The following AGAP3 variants were observed in gnomAD, a reference collection of about 807,000 sequenced individuals.
AGAP3 encodes ArfGAP with GTPase domain, ankyrin repeat and PH domain 3.
Under a neutral mutation model 96.9 loss-of-function variants are expected in AGAP3, and 24 were observed. That is an observed-to-expected ratio of 0.25 (90% CI 0.18 to 0.35). The LOEUF is 0.35. Among genes scored for constraint, AGAP3 ranks in the 10% least tolerant of loss-of-function variants. The pLI is 1.00. For missense variants in AGAP3, 876 were observed against 1,254.2 expected (o/e 0.70, Z 4.55); for synonymous variants, 563 against 536.1 (o/e 1.05, Z -0.69).
chr7:151,138,081 G>C (rs1222058415), intron 11 of AGAP3, 62 bp from the exon 12 acceptor site: 1 of 1,256,566 alleles, frequency 8.0e-7, no homozygotes, highest in Admixed American at 2.1e-5. Flanking sequence ...TTTTAGGATA[G>C]TATCTTTGAG....
At chr7:151,121,351 C>T (rs763676491) in intron 8 of AGAP3, among the ~76,000 whole-genome samples, 50 of 151,848 alleles carry the variant, frequency 3.3e-4, no homozygotes, top group Non-Finnish European at 6.0e-4. Context: ...TGGGGGGGGC[C>T]GCCTGCTCGA....
At position 151,142,373 on chromosome 7, in the gene AGAP3, T is replaced by C; in HGVS notation, c.2051-39T>C. ...CTAGTTGTCCCGCGCTCTGGTGGCC[T>C]GCCTGCTGTCGCTGTATCATTCTCC... On this transcript the variant is annotated intron_variant, in intron 15 of 17. Transcript: ENST00000397238. The surrounding 1 kb of genome is among the most constrained non-coding windows in gnomAD (Gnocchi z 7.5). 1 of 1,603,244 alleles carries C rather than the reference T, an allele frequency of 6.2e-7. No homozygotes were observed. Among genetic ancestry groups the C allele is most frequent in the South Asian group, 1.1e-5 (1 of 90,820 alleles).
Position 151,140,047 on chromosome 7 carries a change from C to T in AGAP3, c.1735C>T (p.Arg579Trp), listed in dbSNP as rs760191238. 9.7e-5 allele frequency: 156 copies of T among 1,607,144 alleles called. 3 individuals carry two copies. In the South Asian group the frequency reaches 1.6e-3, roughly 16 times the overall value. ...TCCTCCCCCATCTCCCCACTCCAAC[C>T]GGAAGAAGCACCGGAGGAAAAAGAG... is the stretch of plus-strand genomic sequence containing the variant. Reference protein sequence around the residue: ...LDPPPSPHSNRKKHRRKKSTG... With the variant: ...LDPPPSPHSNWKKHRRKKSTG... The change falls in exon 13 of 18, where the codon CGG becomes TGG. Residue 579 changes from arginine (R) to tryptophan (W), a missense_variant. By Grantham distance (101) the Arg-to-Trp change is moderately radical. Around this residue, in one of 8 missense-constraint regions of AGAP3, gnomAD observed 155 missense variants for 144.4 expected, o/e 1.07. Transcript: ENST00000397238. The surrounding 1 kb of genome is among the most constrained non-coding windows in gnomAD (Gnocchi z 5.4).
chr7:151,118,562 A>C lies in AGAP3; in HGVS notation c.899A>C (p.Lys300Thr). The C allele has an allele frequency of 6.2e-7, 1 of 1,614,140 alleles. No homozygotes were observed. The highest frequency in any genetic ancestry group is 8.5e-7 in the Non-Finnish European group (1 of 1,180,030). Residue 300 changes from lysine to threonine, a missense_variant, in exon 7 of 18, where the codon AAG becomes ACG. Around this residue, in one of 8 missense-constraint regions of AGAP3, gnomAD observed 100 missense variants for 129.4 expected, o/e 0.77. Coordinates refer to ENST00000397238, the MANE Select transcript of AGAP3 (RefSeq NM_031946.7). The surrounding 1 kb of genome is among the most constrained non-coding windows in gnomAD (Gnocchi z 6.1). ...CAGCAACTGGCCATCGGGCCCTGCAAGTCACTGCCCAACTCGCCCAGCCAC... is the reference window on the plus strand; with the variant it reads ...CAGCAACTGGCCATCGGGCCCTGCACGTCACTGCCCAACTCGCCCAGCCAC... ...KKQQLAIGPC[K>T]SLPNSPSHSA...
intron 11 of AGAP3, chr7:151,137,907 C>T: frequency 1.9e-6 from 1 of 538,780 alleles, no homozygotes; most frequent in Non-Finnish European, 3.3e-6. Context: ...CGCTCCCGGA[C>T]CACAGTGAGG....
intron 9 of AGAP3, among the ~76,000 whole-genome samples, chr7:151,126,155 C>A (rs1800158373): frequency 1.3e-5 from 2 of 151,916 alleles, no homozygotes; most frequent in African/African-American, 4.8e-5. Context: ...CTGGGGAGGG[C>A]GTTGCCGAGG....
chr7:151,124,039 C>A (rs1017241829), intron 9 of AGAP3, among the ~76,000 whole-genome samples, 153 bp downstream of exon 9: 2 of 152,230 alleles, frequency 1.3e-5, no homozygotes, highest in African/African-American at 4.8e-5. Flanking sequence ...AAGGGACTGG[C>A]TCTCCAGTGA....
Position 151,141,931 on chromosome 7 carries a change from C to T in AGAP3, c.1838C>T (p.Ser613Phe). The T allele has an allele frequency of 6.4e-7, 1 of 1,568,094 alleles. No individual in the cohort carries two copies. The highest frequency in any genetic ancestry group is 8.7e-7 in the Non-Finnish European group (1 of 1,148,478). ...AEESFEFVVV[S>F]LTGQTWHFEA... ...GAGTCGTTTGAATTTGTGGTGGTGT[C>T]CCTCACTGGGCAGACGTGGCACTTC... Residue 613 changes from serine (S) to phenylalanine (F), a missense_variant, in exon 14 of 18, where the codon TCC (serine) becomes TTC (phenylalanine). Transcript: ENST00000397238. This position sits in a 1 kb window ranked among gnomAD's most constrained non-coding sequence, Gnocchi z 4.2.
intron 8 of AGAP3, chr7:151,122,625 G>A (rs985635257): frequency 4.2e-6 from 6 of 1,419,098 alleles, no homozygotes; most frequent in East Asian, 2.4e-5. Context: ...CGCTGCCGCC[G>A]CTCCCCAGGC....
At position 151,141,134 on chromosome 7, in the gene AGAP3, C is replaced by T. The variant is rs1800796833; in HGVS notation, c.1805-764C>T. The T allele has an allele frequency of 2.0e-5, 3 of 152,246 alleles. No individual in the cohort carries two copies. The highest frequency in any genetic ancestry group is 2.0e-4 in the Admixed American group (3 of 15,284). The allele number at this position is 152,246 out of a possible 1,614,324, so 9.4% of individuals were successfully genotyped here. A position where few individuals can be genotyped will look rare whatever the true frequency, so the allele number is the denominator to read the frequency against. On this transcript the variant is annotated intron_variant, in intron 13 of 17. Transcript: ENST00000397238. The surrounding 1 kb of genome is among the most constrained non-coding windows in gnomAD (Gnocchi z 4.2). ...GTCTTTCCAGCCCCCAGGACACAGT[C>T]ACACTGCTTGTTAGGAATTGTTCAC...
chr7:151,091,958 C>T (rs1041431086), intron 1 of AGAP3, among the ~76,000 whole-genome samples: 4 of 151,278 alleles, frequency 2.6e-5, no homozygotes, highest in Non-Finnish European at 4.4e-5. Context: ...GTGTGGCTCT[C>T]GGAACGGCAA....
intron 1 of AGAP3, among the ~76,000 whole-genome samples, chr7:151,105,925 A>G (rs1231001715): frequency 6.6e-6 from 1 of 150,978 alleles, no homozygotes. Context: ...AAATTGTACA[A>G]GTATTTTGAC....
chr7:151,100,421 G>A (rs1274888755), intron 1 of AGAP3, among the ~76,000 whole-genome samples: 4 of 152,204 alleles, frequency 2.6e-5, no homozygotes, highest in South Asian at 2.1e-4. Flanking sequence ...GATGTGTCGC[G>A]TTCCACTTCA....
rs1799425991 is a variant in AGAP3, at chr7:151,114,225, C to A, written c.332-2568C>A. 1.3e-5 allele frequency among the ~76,000 whole-genome samples: 2 copies of A among 152,250 alleles called. No homozygotes were observed. The highest frequency in any genetic ancestry group is 4.8e-5 in the African/African-American group (2 of 41,464). ...AAGACAGGACCACCTCGTTGAAGCT[C>A]GCGTGCTGCAGACGAGGACACGCGC... On this transcript the variant is annotated intron_variant, in intron 1 of 17. Coordinates refer to ENST00000397238, the MANE Select transcript of AGAP3 (RefSeq NM_031946.7). This position sits in a 1 kb window ranked among gnomAD's most constrained non-coding sequence, Gnocchi z 4.4.
At position 151,099,021 on chromosome 7, in the gene AGAP3, C is replaced by A. The variant is rs143652576; in HGVS notation, c.331+11949C>A. Among the ~76,000 whole-genome samples, 520 of 151,862 alleles carry A rather than the reference C, an allele frequency of 3.4e-3. 1 individual carries two copies. The highest frequency in any genetic ancestry group is 0.012 in the African/African-American group (496 of 41,464). On this transcript the variant is annotated intron_variant, in intron 1 of 17. Transcript: ENST00000397238. ...AAAGCGCTGGGATTATAGGTGTGAG[C>A]CATCTATTCAACTTTTCAAAAGATT...
rs1355976273 is a variant in AGAP3, at chr7:151,087,133, G to A, written c.331+61G>A. On this transcript the variant is annotated intron_variant, in intron 1 of 17. Transcript: ENST00000397238. Reference sequence around the variant, plus strand: ...AGTGGCCTCTCCGGCGCCGGCCGAGGGCTCCACAGGCCGTGCCTGGCCATG... The same window carrying A: ...AGTGGCCTCTCCGGCGCCGGCCGAGAGCTCCACAGGCCGTGCCTGGCCATG... 2.6e-6 allele frequency: 4 copies of A among 1,514,106 alleles called. No homozygotes were observed. In the East Asian group the frequency reaches 9.8e-5, roughly 37 times the overall value. 93.8% of individuals were successfully genotyped at this position (1,514,106 alleles called of 1,614,324 possible).
intron 1 of AGAP3, among the ~76,000 whole-genome samples, chr7:151,094,933 G>A (rs1585037141): frequency 6.6e-6 from 1 of 151,658 alleles, no homozygotes; most frequent in East Asian, 1.9e-4. Flanking sequence ...GGAGTGTAGT[G>A]ACGCGATCGT....
At chr7:151,094,837 C>T (rs780626500) in intron 1 of AGAP3, among the ~76,000 whole-genome samples, 1 of 150,596 alleles carries the variant, frequency 6.6e-6, no homozygotes, top group Non-Finnish European at 1.5e-5. Context: ...TCCCTCCCTT[C>T]CCTCCTTCCC....
At chr7:151,101,666 C>T (rs530162002) in intron 1 of AGAP3, among the ~76,000 whole-genome samples, 39 of 152,324 alleles carry the variant, frequency 2.6e-4, no homozygotes, top group East Asian at 9.6e-4. Flanking sequence ...CTGAGACACA[C>T]GCCTGGGTAG....
Sources: allele counts gnomAD v4.1 joint callset (sites outside exome capture counted in the v4.1 genomes callset), GRCh38; gene constraint gnomAD v4.1.1; regional missense constraint gnomAD v4.1.1; non-coding constraint Gnocchi (gnomAD v3.1); transcripts MANE v1.5; gene names NCBI Gene and HGNC (gene_info 2026-07-23, HGNC 2026-07-21).